The following ACAN variants were observed in gnomAD, a reference collection of about 807,000 sequenced individuals.
The protein encoded by ACAN is aggrecan, also known as aggrecan core protein.
A neutral mutation model predicts 169.1 loss-of-function variants in ACAN; 47 were observed. That is an observed-to-expected ratio of 0.28 (90% confidence interval 0.22 to 0.35). ACAN has a LOEUF of 0.35. ACAN is among the 10% of genes least tolerant of loss of function. The pLI is 1.00. For synonymous variants in ACAN, 1,115 were observed against 1,112.2 expected (o/e 1.00, Z -0.05); for missense variants, 2,716 against 2,759.9 (o/e 0.98, Z 0.36).
Position 88,849,770 on chromosome 15 carries a change from C to A in ACAN, c.2026+39C>A. On this transcript the variant is annotated intron_variant, in intron 10 of 18. Transcript: ENST00000560601. The surrounding 1 kb of genome is among the most constrained non-coding windows in gnomAD (Gnocchi z 5.1). ...CTTCGGCTCCAACAGCCCCTTTTGTCTGGAGAGGACCCCACTGGGTTCACC... is the reference window on the plus strand; with the variant it reads ...CTTCGGCTCCAACAGCCCCTTTTGTATGGAGAGGACCCCACTGGGTTCACC... 1.9e-6 allele frequency: 3 copies of A among 1,603,422 alleles called. No individual in the cohort carries two copies. Among genetic ancestry groups the A allele is most frequent in the Non-Finnish European group, 2.6e-6 (3 of 1,175,168 alleles).
Position 88,849,478 on chromosome 15 carries a change from C to T in ACAN, c.1773C>T (p.Phe591=). The change falls in exon 10 of 19, where the codon TTC becomes TTT. Residue 591 remains phenylalanine, a synonymous_variant. Coordinates refer to ENST00000560601, the MANE Select transcript of ACAN (RefSeq NM_001369268.1). This position sits in a 1 kb window ranked among gnomAD's most constrained non-coding sequence, Gnocchi z 5.1. The part of the protein sequence containing the change: ...FFATRLEQFT[F]QEALEFCESH... The stretch of plus-strand genomic sequence containing the variant: ...CCACACGCCTTGAGCAGTTCACCTT[C>T]CAGGAAGCACTGGAGTTCTGTGAAT... 1 of 1,605,792 alleles carries T rather than the reference C, an allele frequency of 6.2e-7. No individual in the cohort carries two copies.
Position 88,855,334 on chromosome 15 carries a change from G to A in ACAN, c.2749G>A (p.Gly917Arg), listed in dbSNP as rs1421839249. 1 of 1,612,668 alleles carries A rather than the reference G, an allele frequency of 6.2e-7. No homozygotes were observed. Among genetic ancestry groups the A allele is most frequent in the East Asian group, 2.2e-5 (1 of 44,838 alleles). The change falls in exon 12 of 19, where the codon GGA (glycine) becomes AGA (arginine). Residue 917 changes from glycine to arginine, a missense_variant. Gly to Arg is a moderately radical substitution (Grantham distance 125). Coordinates refer to ENST00000560601, the MANE Select transcript of ACAN (RefSeq NM_001369268.1). The part of the protein sequence containing the change: ...TVGSGLPVES[G>R]LPSGDEERIE... ...GGGCTCAGGCCTGCCTGTGGAAAGT[G>A]GACTACCCTCAGGGGATGAAGAGAG...
chr15:88,834,557 C>T (rs12913320), intron 1 of ACAN, among the ~76,000 whole-genome samples: 29,439 of 152,202 alleles, frequency 0.19, 3,382 homozygotes, highest in Middle Eastern at 0.24. Context: ...GGGAATGCCA[C>T]GGGCGAGAGT....
rs186474870 is a variant in ACAN at position 88,808,910 on chromosome 15, G to A, written c.-8+5101G>A. 7.9e-3 allele frequency among the ~76,000 whole-genome samples: 1,197 copies of A among 152,212 alleles called. 33 individuals are homozygous for A. Among genetic ancestry groups the A allele is most frequent in the Admixed American group, 0.057 (866 of 15,290 alleles). ...TAAATGAAAAGGAAAAGAAAAGTCCGAGCCCCCATGGTAAATTAGAAAAAA... is the reference window on the plus strand; with the variant it reads ...TAAATGAAAAGGAAAAGAAAAGTCCAAGCCCCCATGGTAAATTAGAAAAAA... On this transcript the variant is annotated intron_variant, in intron 1 of 18. Coordinates refer to ENST00000560601, the MANE Select transcript of ACAN (RefSeq NM_001369268.1).
Position 88,836,267 on chromosome 15 carries a change from G to A in ACAN, c.61G>A (p.Glu21Lys). The change falls in exon 2 of 19, where the codon GAA becomes AAA. Residue 21 changes from glutamate to lysine, a missense_variant. This residue lies in a region of ACAN where 1,283 missense variants were observed against 1,281.5 expected (regional missense o/e 1.00). Transcript: ENST00000560601. ...GGTCATCACTGCAGCTGTCACTGTA[G>A]AAACTTCAGGTGAGGACATTCCTAT... ...LRVITAAVTV[E>K]TSDHDNSLSV... 2 of 1,613,540 alleles carry A rather than the reference G, an allele frequency of 1.2e-6. No homozygotes were observed. Among genetic ancestry groups the A allele is most frequent in the Non-Finnish European group, 1.7e-6 (2 of 1,179,586 alleles).
chr15:88,821,692 C>A (rs1181920150), intron 1 of ACAN, among the ~76,000 whole-genome samples: 1 of 152,138 alleles, frequency 6.6e-6, no homozygotes, highest in African/African-American at 2.4e-5. Context: ...AGCAGTGTCA[C>A]TGAAGGATGC....
intron 1 of ACAN, among the ~76,000 whole-genome samples, chr15:88,813,922 G>A (rs1895879574): frequency 6.6e-6 from 1 of 152,212 alleles, no homozygotes. Flanking sequence ...GACCTCCCCT[G>A]ACCCTCCAGC....
At chr15:88,817,235 G>A (rs749348870) in intron 1 of ACAN, among the ~76,000 whole-genome samples, 3 of 151,988 alleles carry the variant, frequency 2.0e-5, no homozygotes, top group African/African-American at 4.8e-5. Flanking sequence ...TCTGCCTCCC[G>A]GGTTCAAGCA....
intron 1 of ACAN, among the ~76,000 whole-genome samples, chr15:88,804,019 G>A (rs1195696508): frequency 1.3e-5 from 2 of 152,218 alleles, no homozygotes; most frequent in African/African-American, 4.8e-5. Context: ...AGTGAATGGG[G>A]CAAAGGAACA....
At chr15:88,810,178 C>G (rs979861925) in intron 1 of ACAN, among the ~76,000 whole-genome samples, 1 of 152,082 alleles carries the variant, frequency 6.6e-6, no homozygotes, top group African/African-American at 2.4e-5. Flanking sequence ...TCCCTTCACA[C>G]CACGCAGGTC....
chr15:88,860,264 G>A (rs2141615813), intron 12 of ACAN, 62 bp from the exon 13 acceptor site: 1 of 1,263,388 alleles, frequency 7.9e-7, no homozygotes, highest in Non-Finnish European at 1.1e-6. Flanking sequence ...TTGAGGTCTT[G>A]GAGGCCATGG....
At chr15:88,840,893 C>T (rs1896636120) in intron 4 of ACAN, among the ~76,000 whole-genome samples, 1 of 152,150 alleles carries the variant, frequency 6.6e-6, no homozygotes, top group South Asian at 2.1e-4. Flanking sequence ...GCCTGTAATC[C>T]CAGCACTTTG....
intron 6 of ACAN, among the ~76,000 whole-genome samples, chr15:88,844,089 T>C (rs553918918): frequency 1.3e-5 from 2 of 152,210 alleles, no homozygotes; most frequent in South Asian, 2.1e-4. Context: ...CCTTTTTAAA[T>C]TGAATATGTC....
chr15:88,871,844 T>TCCAG lies in ACAN; in HGVS notation c.7220-159_7220-158insCCAG, dbSNP rs1314466844. 1.1e-4 allele frequency among the ~76,000 whole-genome samples: 16 copies of TCCAG among 152,208 alleles called. No individual in the cohort carries two copies. Among genetic ancestry groups the TCCAG allele is most frequent in the African/African-American group, 3.9e-4 (16 of 41,456 alleles). On this transcript the variant is annotated intron_variant, in intron 15 of 18. Coordinates refer to ENST00000560601, the MANE Select transcript of ACAN (RefSeq NM_001369268.1). The surrounding 1 kb of genome is among the most constrained non-coding windows in gnomAD (Gnocchi z 7.8). ...CCGAAGTGCACTCCAGGCATGCACG[T>TCCAG]GCTGAGCCTCTTGTGAGGACCTGAG...
chr15:88,847,853 G>A (rs535515766), intron 8 of ACAN, 58 bp from the exon 9 acceptor site: 224 of 1,588,110 alleles, frequency 1.4e-4, no homozygotes, highest in Middle Eastern at 3.8e-4. Context: ...GCCCAGGGCC[G>A]TGCATCTACC....
rs562539021 is a variant in ACAN, at chr15:88,839,429, C to T, written c.454+383C>T. ...TTCATCCTGGTGTCTTTTCCCTCCC[C>T]CTCTCCACTCTTATTCTCAGTTCCA... On this transcript the variant is annotated intron_variant, in intron 3 of 18. Transcript: ENST00000560601. The surrounding 1 kb of genome is among the most constrained non-coding windows in gnomAD (Gnocchi z 4.5). 6.6e-6 allele frequency among the ~76,000 whole-genome samples: 1 copy of T among 152,204 alleles called. No individual in the cohort carries two copies. The highest frequency in any genetic ancestry group is 2.4e-5 in the African/African-American group (1 of 41,438).
chr15:88,815,615 C>T (rs1159932680), intron 1 of ACAN, among the ~76,000 whole-genome samples: 1 of 92,948 alleles, frequency 1.1e-5, no homozygotes, highest in Non-Finnish European at 2.1e-5. Flanking sequence ...AAAAAAAAAC[C>T]ATCAAGAACA....
At chr15:88,804,615 T>C (rs1243291046) in intron 1 of ACAN, among the ~76,000 whole-genome samples, 1 of 152,146 alleles carries the variant, frequency 6.6e-6, no homozygotes, top group Non-Finnish European at 1.5e-5. Context: ...AGGAGCCCTT[T>C]CCAACCCTGG....
rs376022456 is a variant in ACAN, at chr15:88,866,030, G to A, written c.6947-2186G>A. On this transcript the variant is annotated intron_variant, in intron 13 of 18. Coordinates refer to ENST00000560601, the MANE Select transcript of ACAN (RefSeq NM_001369268.1). The surrounding 1 kb of genome is among the most constrained non-coding windows in gnomAD (Gnocchi z 5.6). Reference sequence around the variant, plus strand: ...CGTGAAAAAAAAAATTCTGAGCCCCGGAATTTGTTCCTTCAGTCCCCGCAG... The same window carrying A: ...CGTGAAAAAAAAAATTCTGAGCCCCAGAATTTGTTCCTTCAGTCCCCGCAG... Among the ~76,000 whole-genome samples the A allele has an allele frequency of 7.5e-4, 114 of 152,110 alleles. 1 individual carries two copies. Among genetic ancestry groups the A allele is most frequent in the African/African-American group, 1.7e-3 (72 of 41,504 alleles).
Sources: gnomAD v4.1 joint callset for allele counts (sites outside exome capture counted in the v4.1 genomes callset) on GRCh38, gnomAD v4.1.1 for gene constraint, gnomAD v4.1.1 regional missense constraint, Gnocchi (gnomAD v3.1) non-coding constraint, MANE v1.5 for transcripts, NCBI Gene and HGNC (gene_info 2026-07-23, HGNC 2026-07-21) for gene names.